Variants in EIF3H observed in about 807,000 individuals in gnomAD.
EIF3H encodes eIF-3-gamma.
Under a neutral mutation model 44.2 loss-of-function variants are expected in EIF3H, and 26 were observed. That is an observed-to-expected ratio of 0.59 (90% CI 0.43 to 0.82). The LOEUF is 0.82. EIF3H is among the 40% of genes least tolerant of loss of function. The probability of loss-of-function intolerance (pLI) is 0.00; values close to 1 mark genes in which losing one functional copy is unlikely to be tolerated. For missense variants in EIF3H, 359 were observed against 432.8 expected, an observed-to-expected ratio of 0.83 and a Z score of 1.51; for synonymous variants, 166 against 151.9, an observed-to-expected ratio of 1.09 and a Z score of -0.68.
At chr8:116,663,266 T>C (rs958458394) in intron 2 of EIF3H, among the ~76,000 whole-genome samples, 1 of 152,128 alleles carries the variant, frequency 6.6e-6, no homozygotes, top group Non-Finnish European at 1.5e-5. Flanking sequence ...AAAAAGAGGC[T>C]CCTTGACTCG....
chr8:116,712,569 T>C (rs1814591939), intron 2 of EIF3H, among the ~76,000 whole-genome samples: 1 of 152,172 alleles, frequency 6.6e-6, no homozygotes, highest in South Asian at 2.1e-4. Flanking sequence ...GAGTAAAAAT[T>C]ACTGGTAGAA....
At chr8:116,715,803 G>A (rs1458810968) in intron 2 of EIF3H, among the ~76,000 whole-genome samples, 3 of 152,044 alleles carry the variant, frequency 2.0e-5, no homozygotes, top group African/African-American at 7.2e-5. Context: ...CAAGCCTTGG[G>A]TTGCACGTTT....
intron 1 of EIF3H, among the ~76,000 whole-genome samples, chr8:116,730,650 C>A (rs1211213778): frequency 6.6e-6 from 1 of 152,142 alleles, no homozygotes; most frequent in Non-Finnish European, 1.5e-5. Context: ...TTCGAAGTAT[C>A]TTTTAATAGA....
chr8:116,643,561 C>T lies in EIF3H; in HGVS notation c.*1445G>A, dbSNP rs937112209. 3 of 152,286 alleles carry T rather than the reference C, an allele frequency of 2.0e-5. No individual in the cohort carries two copies. Among genetic ancestry groups the T allele is most frequent in the African/African-American group, 7.2e-5 (3 of 41,552 alleles). The allele number at this position is 152,286 out of a possible 1,614,324, so 9.4% of individuals were successfully genotyped here. On this transcript the variant is annotated 3_prime_UTR_variant, in exon 8 of 8. Transcript: ENST00000521861. ...GAGTTTGCATGCTTCACCCAAACCCCCAACAAACGTCTTCAACACTCACAG... is the reference window on the plus strand; with the variant it reads ...GAGTTTGCATGCTTCACCCAAACCCTCAACAAACGTCTTCAACACTCACAG...
At chr8:116,691,841 C>G (rs1313415777) in intron 2 of EIF3H, among the ~76,000 whole-genome samples, 1 of 142,462 alleles carries the variant, frequency 7.0e-6, no homozygotes, top group East Asian at 2.0e-4. Flanking sequence ...CACTGCACTG[C>G]AGCCTGGGTG....
chr8:116,758,264 G>C (rs1815481073), upstream of EIF3H, among the ~76,000 whole-genome samples: 1 of 152,144 alleles, frequency 6.6e-6, no homozygotes, highest in African/African-American at 2.4e-5. Flanking sequence ...ATCAGAGACA[G>C]AAGGAGACAT....
chr8:116,662,525 C>T (rs1813600841), intron 2 of EIF3H, among the ~76,000 whole-genome samples: 1 of 152,166 alleles, frequency 6.6e-6, no homozygotes, highest in Non-Finnish European at 1.5e-5. Context: ...GAACAAGAGA[C>T]ACAACTCACA....
In EIF3H at chr8:116,708,898, C is replaced by T. The variant is rs893748897; in HGVS notation, c.289+17118G>A. Among the ~76,000 whole-genome samples, 3 of 151,768 alleles carry T rather than the reference C, an allele frequency of 2.0e-5. No individual in the cohort carries two copies. The East Asian group carries it at 5.8e-4, about 29-fold the overall frequency. On this transcript the variant is annotated intron_variant, in intron 2 of 7. Coordinates refer to ENST00000521861, the MANE Select transcript of EIF3H (RefSeq NM_003756.3). ...TCAACTGCTGTACTTCTAAGCTTTC[C>T]ATTTTTTTATGTTGAACAGGTTTTC...
At chr8:116,646,442 C>G in intron 7 of EIF3H, 29 bp downstream of exon 7, 1 of 1,613,934 alleles carries the variant, frequency 6.2e-7, no homozygotes. Context: ...CGAACAAAAC[C>G]AGCCAGGTTT....
At chr8:116,752,228 A>G (rs569433660) in intron 1 of EIF3H, among the ~76,000 whole-genome samples, 6 of 152,164 alleles carry the variant, frequency 3.9e-5, no homozygotes, top group Non-Finnish European at 7.4e-5. Flanking sequence ...TTTGGAGTAA[A>G]ACAATCATAG....
At chr8:116,655,457 G>A (rs1813473064) in intron 5 of EIF3H, among the ~76,000 whole-genome samples, 1 of 151,960 alleles carries the variant, frequency 6.6e-6, no homozygotes, top group African/African-American at 2.4e-5. Flanking sequence ...AAAGAAAAAA[G>A]CATTTCTGTT....
chr8:116,755,640 G>A (rs765071762), intron 1 of EIF3H, 26 bp downstream of exon 1: 4 of 1,613,348 alleles, frequency 2.5e-6, no homozygotes, highest in Non-Finnish European at 3.4e-6. Flanking sequence ...CCCCACGTGG[G>A]CCAGAGGAAA....
chr8:116,680,824 A>T (rs1051221708), intron 2 of EIF3H, among the ~76,000 whole-genome samples: 100 of 99,108 alleles, frequency 1.0e-3, no homozygotes, highest in African/African-American at 3.5e-3. Context: ...AATGATCAAT[A>T]AAAAAAAATA....
intron 2 of EIF3H, among the ~76,000 whole-genome samples, chr8:116,719,294 A>G (rs1249027153): frequency 1.3e-5 from 2 of 152,184 alleles, no homozygotes; most frequent in East Asian, 1.9e-4. Context: ...TCAGAGCTAC[A>G]GTTAGAATGG....
intron 1 of EIF3H, among the ~76,000 whole-genome samples, chr8:116,762,931 G>A (rs946884872): frequency 2.0e-5 from 3 of 152,218 alleles, no homozygotes; most frequent in African/African-American, 4.8e-5. Flanking sequence ...GCAACAGAGC[G>A]AGACTCCGTC....
intron 2 of EIF3H, among the ~76,000 whole-genome samples, chr8:116,708,645 T>C (rs1018624403): frequency 1.3e-5 from 2 of 152,124 alleles, no homozygotes; most frequent in African/African-American, 4.8e-5. Context: ...GTTAAAAATC[T>C]TTCCGAATTC....
At chr8:116,736,100 A>T (rs1037848929) in intron 1 of EIF3H, among the ~76,000 whole-genome samples, 4 of 152,252 alleles carry the variant, frequency 2.6e-5, no homozygotes, top group African/African-American at 9.6e-5. Context: ...AATCTCAAAA[A>T]CATGCAAAGT....
At chr8:116,647,121 T>C (rs1051887649) in intron 6 of EIF3H, among the ~76,000 whole-genome samples, 1 of 152,126 alleles carries the variant, frequency 6.6e-6, no homozygotes, top group Non-Finnish European at 1.5e-5. Context: ...AGTCTCATTC[T>C]GTCACCCAGG....
chr8:116,700,335 C>T (rs1392151400), intron 2 of EIF3H, among the ~76,000 whole-genome samples: 1 of 152,154 alleles, frequency 6.6e-6, no homozygotes, highest in Non-Finnish European at 1.5e-5. Context: ...CAACCTGCGG[C>T]CCAGGACAGC....
Sources: gnomAD v4.1 joint callset for allele counts (sites outside exome capture counted in the v4.1 genomes callset) on GRCh38, gnomAD v4.1.1 for gene constraint, MANE v1.5 for transcripts, NCBI Gene and HGNC (gene_info 2026-07-23, HGNC 2026-07-21) for gene names.